The following CCDC174 variants were observed in gnomAD, a reference collection of about 807,000 sequenced individuals.
The protein encoded by CCDC174 is coiled-coil domain containing 174, also known as coiled-coil domain-containing protein 174.
In CCDC174, 37 loss-of-function variants were observed where a neutral mutation model predicts 57.1. That is an observed-to-expected ratio of 0.65 (90% CI 0.50 to 0.85). CCDC174 has a LOEUF of 0.85. Among genes scored for constraint, CCDC174 ranks in the 40% least tolerant of loss-of-function variants. CCDC174 has a pLI of 0.00. For synonymous variants in CCDC174, 182 were observed against 190.2 expected (o/e 0.96, Z 0.35); for missense variants, 540 against 574.3 (o/e 0.94, Z 0.61).
chr3:14,659,091 C>T (rs1016188271), intron 4 of CCDC174, among the ~76,000 whole-genome samples, 162 bp downstream of exon 4: 1 of 152,014 alleles, frequency 6.6e-6, no homozygotes, highest in African/African-American at 2.4e-5. Context: ...AATAATTTAC[C>T]AATTGTCTAG....
At chr3:14,655,814 A>G (rs1339387251) in intron 3 of CCDC174, among the ~76,000 whole-genome samples, 185 bp downstream of exon 3, 1 of 152,240 alleles carries the variant, frequency 6.6e-6, no homozygotes, top group African/African-American at 2.4e-5. Context: ...AAAAGGTAAA[A>G]CATAGTCACA....
chr3:14,653,433 C>T (rs1161629882), intron 1 of CCDC174, among the ~76,000 whole-genome samples: 2 of 152,284 alleles, frequency 1.3e-5, no homozygotes, highest in South Asian at 2.1e-4. Flanking sequence ...CCTTTTAAAT[C>T]GATTTCTTCC....
chr3:14,661,472 G>T, intron 4 of CCDC174, 58 bp from the exon 5 acceptor site: 2 of 1,478,000 alleles, frequency 1.4e-6, no homozygotes. Flanking sequence ...ACTGCTTCTT[G>T]TCCATTCCAT....
At chr3:14,658,828 A>C (rs1342028904) in intron 3 of CCDC174, 43 bp from the exon 4 acceptor site, 102 of 1,526,184 alleles carry the variant, frequency 6.7e-5, no homozygotes, top group Non-Finnish European at 9.0e-5. Context: ...CAGGATGAAC[A>C]GTTATAAGAC....
rs983957162 is a variant in CCDC174, at chr3:14,671,248, A to C, written c.*54A>C. On this transcript the variant is annotated 3_prime_UTR_variant, in exon 11 of 11. Coordinates refer to ENST00000383794, the MANE Select transcript of CCDC174 (RefSeq NM_016474.5). ...TACTTTGACAGTGCCTTTCTCTCCC[A>C]GAGGGAGAAATAACTTTAGGAACTG... The C allele has an allele frequency of 1.3e-6, 2 of 1,488,330 alleles. No homozygotes were observed. The highest frequency in any genetic ancestry group is 1.8e-6 in the Non-Finnish European group (2 of 1,091,688). 92.2% of individuals were successfully genotyped at this position (1,488,330 alleles called of 1,614,324 possible). A position where few individuals can be genotyped will look rare whatever the true frequency, so the allele number is the denominator to read the frequency against.
rs567482100 is a variant in CCDC174 at position 14,671,992 on chromosome 3, G to C, written c.*798G>C. ...GAGCCTGACTTGGATCAGACTTGGG[G>C]CTGCACAGTGGAGCAGGTGGGTTCC... On this transcript the variant is annotated 3_prime_UTR_variant, in exon 11 of 11. Coordinates refer to ENST00000383794, the MANE Select transcript of CCDC174 (RefSeq NM_016474.5). 1 of 152,168 alleles carries C rather than the reference G, an allele frequency of 6.6e-6. No homozygotes were observed. The highest frequency in any genetic ancestry group is 1.5e-5 in the Non-Finnish European group (1 of 68,086). 9.4% of individuals were successfully genotyped at this position (152,168 alleles called of 1,614,324 possible). A position where few individuals can be genotyped will look rare whatever the true frequency, so the allele number is the denominator to read the frequency against.
At chr3:14,668,428 T>G (rs3773490) in intron 9 of CCDC174, among the ~76,000 whole-genome samples, 67,576 of 152,056 alleles carry the variant, frequency 0.44, 16,734 homozygotes, top group South Asian at 0.65. Flanking sequence ...AATGGCATAG[T>G]CTTGTAATTG....
chr3:14,653,443 C>G lies in CCDC174; in HGVS notation c.43-983C>G, dbSNP rs998507473. 2.0e-5 allele frequency among the ~76,000 whole-genome samples: 3 copies of G among 152,124 alleles called. No homozygotes were observed. The East Asian group carries it at 5.8e-4, about 29-fold the overall frequency. Reference sequence around the variant, plus strand: ...GGTTACCTTTTAAATCGATTTCTTCCAAAACGGAAATTGAACCCAGCCATT... The same window carrying G: ...GGTTACCTTTTAAATCGATTTCTTCGAAAACGGAAATTGAACCCAGCCATT... On this transcript the variant is annotated intron_variant, in intron 1 of 10. Coordinates refer to ENST00000383794, the MANE Select transcript of CCDC174 (RefSeq NM_016474.5).
intron 3 of CCDC174, among the ~76,000 whole-genome samples, chr3:14,657,706 A>G (rs77308047): frequency 1.0e-3 from 157 of 152,278 alleles, no homozygotes; most frequent in African/African-American, 3.6e-3. Context: ...CCTCTGCTCT[A>G]CTGGTCTCTC....
intron 9 of CCDC174, among the ~76,000 whole-genome samples, chr3:14,669,004 C>G (rs1314014196): frequency 6.6e-6 from 1 of 152,178 alleles, no homozygotes; most frequent in Admixed American, 6.5e-5. Flanking sequence ...GGAAGGGGAG[C>G]CACCTTCCTT....
intron 9 of CCDC174, among the ~76,000 whole-genome samples, chr3:14,669,057 A>T (rs2031430863): frequency 6.6e-6 from 1 of 152,208 alleles, no homozygotes; most frequent in Admixed American, 6.5e-5. Flanking sequence ...CTATGCATTT[A>T]CATCCTGCTG....
At chr3:14,664,715 C>T (rs1308003370) in intron 5 of CCDC174, among the ~76,000 whole-genome samples, 1 of 152,204 alleles carries the variant, frequency 6.6e-6, no homozygotes, top group African/African-American at 2.4e-5. Context: ...GGAATTGTCT[C>T]AACTAGGTTA....
At chr3:14,651,986 CCT>C in intron 1 of CCDC174, 108 bp downstream of exon 1, 1 of 1,090,082 alleles carries the variant, frequency 9.2e-7, no homozygotes, top group Non-Finnish European at 1.4e-6. Flanking sequence ...AGAGACCTGA[CCT>C]CTCCCCTCAA....
chr3:14,671,315 TTCGGGTTGGATTTG>T lies in CCDC174; in HGVS notation c.*124_*137del, dbSNP rs1458719689. On this transcript the variant is annotated 3_prime_UTR_variant, in exon 11 of 11. Coordinates refer to ENST00000383794, the MANE Select transcript of CCDC174 (RefSeq NM_016474.5). ...TGTCCTTTCCCTAGGAGGCACAGAC[TTCGGGTTGGATTTG>T]TCAGCAAGGAGGAAAGTTATGGAAA... The T allele has an allele frequency of 5.6e-6, 6 of 1,069,464 alleles. No individual in the cohort carries two copies. The highest frequency in any genetic ancestry group is 8.0e-6 in the Non-Finnish European group (6 of 752,166). The allele number at this position is 1,069,464 out of a possible 1,614,324, so 66.2% of individuals were successfully genotyped here. A position where few individuals can be genotyped will look rare whatever the true frequency, so the allele number is the denominator to read the frequency against.
Position 14,671,022 on chromosome 3 carries a change from G to C in CCDC174, c.1232G>C (p.Trp411Ser). 1 of 1,614,198 alleles carries C rather than the reference G, an allele frequency of 6.2e-7. No homozygotes were observed. The highest frequency in any genetic ancestry group is 8.5e-7 in the Non-Finnish European group (1 of 1,180,038). ...ACTGGTTTTTCCAGCAGCCAGGCATGGAGCAGACCTGGGCCAGCACAGAGT... is the reference window on the plus strand; with the variant it reads ...ACTGGTTTTTCCAGCAGCCAGGCATCGAGCAGACCTGGGCCAGCACAGAGT... ...KRTGFSSSQA[W>S]SRPGPAQSDP... Residue 411 changes from tryptophan (W) to serine (S), a missense_variant, in exon 11 of 11, where the codon TGG becomes TCG. Coordinates refer to ENST00000383794, the MANE Select transcript of CCDC174 (RefSeq NM_016474.5).
In CCDC174 at chr3:14,671,358, T is replaced by A. The variant is rs1045267656; in HGVS notation, c.*164T>A. 4 of 666,024 alleles carry A rather than the reference T, an allele frequency of 6.0e-6. No individual in the cohort carries two copies. The highest frequency in any genetic ancestry group is 1.0e-5 in the Non-Finnish European group (4 of 400,016). The allele number at this position is 666,024 out of a possible 1,614,324, so 41.3% of individuals were successfully genotyped here. A position where few individuals can be genotyped will look rare whatever the true frequency, so the allele number is the denominator to read the frequency against. ...GCAAGGAGGAAAGTTATGGAAACTT[T>A]GGCCACTTGGCTGTTCATTTTATTC... On this transcript the variant is annotated 3_prime_UTR_variant, in exon 11 of 11. Coordinates refer to ENST00000383794, the MANE Select transcript of CCDC174 (RefSeq NM_016474.5).
intron 5 of CCDC174, among the ~76,000 whole-genome samples, chr3:14,664,758 G>T (rs146916656): frequency 6.6e-6 from 1 of 152,216 alleles, no homozygotes; most frequent in African/African-American, 2.4e-5. Context: ...GCAAAATTCC[G>T]TGTGGGTGAT....
chr3:14,654,566 A>G, intron 2 of CCDC174, 36 bp downstream of exon 2: 1 of 1,004,236 alleles, frequency 1.0e-6, no homozygotes, highest in Non-Finnish European at 1.5e-6. Flanking sequence ...CATTGGTTCC[A>G]AACATGGGAG....
intron 6 of CCDC174, 131 bp from the exon 7 acceptor site, chr3:14,666,674 G>A: frequency 1.4e-6 from 1 of 691,216 alleles, no homozygotes; most frequent in Non-Finnish European, 2.3e-6. Context: ...AGTCTTGTGG[G>A]TCAGAAGCCT....
Sources: allele counts gnomAD v4.1 joint callset (sites outside exome capture counted in the v4.1 genomes callset), GRCh38; gene constraint gnomAD v4.1.1; transcripts MANE v1.5; gene names NCBI Gene and HGNC (gene_info 2026-07-23, HGNC 2026-07-21).